PCDHA6: variants seen among roughly 807,000 people sequenced by gnomAD.
PCDHA6 encodes the protein protocadherin alpha-6.
A neutral mutation model predicts 60.3 loss-of-function variants in PCDHA6; 55 were observed. The observed-to-expected ratio is 0.91, with a 90% CI of 0.73 to 1.14. The LOEUF is 1.14. PCDHA6 is among the 50% of genes most tolerant of loss of function. PCDHA6 has a pLI of 0.00. For missense variants in PCDHA6, 1,327 were observed against 1,256.5 expected, an observed-to-expected ratio of 1.06 and a Z score of -0.85; for synonymous variants, 652 against 557.9, an observed-to-expected ratio of 1.17 and a Z score of -2.38.
chr5:140,884,490 G>A (rs2060210547), intron 1 of PCDHA6: 1 of 1,614,064 alleles, frequency 6.2e-7, no homozygotes, highest in Non-Finnish European at 8.5e-7. Flanking sequence ...ACTCTAGTGT[G>A]CTCCAGCGCG....
chr5:140,840,750 A>G (rs1261574631), intron 1 of PCDHA6, among the ~76,000 whole-genome samples: 1 of 152,112 alleles, frequency 6.6e-6, no homozygotes, highest in Non-Finnish European at 1.5e-5. Flanking sequence ...CAATAAGAAC[A>G]CAAGAAGATA....
At chr5:140,840,931 G>T (rs529661807) in intron 1 of PCDHA6, among the ~76,000 whole-genome samples, 1 of 151,938 alleles carries the variant, frequency 6.6e-6, no homozygotes, top group Non-Finnish European at 1.5e-5. Flanking sequence ...TAATTGATAC[G>T]ATATTTGAAA....
At chr5:140,876,062 G>T in intron 1 of PCDHA6, 1 of 1,613,842 alleles carries the variant, frequency 6.2e-7, no homozygotes, top group Non-Finnish European at 8.5e-7. Context: ...TTAGTTCTTC[G>T]GAAGTTATTG....
chr5:140,926,953 C>T, intron 1 of PCDHA6: 1 of 1,596,706 alleles, frequency 6.3e-7, no homozygotes, highest in Non-Finnish European at 8.6e-7. Flanking sequence ...TGCAGCGGGA[C>T]AGCTCGAGTA....
Position 140,932,626 on chromosome 5 carries a change from C to T in PCDHA6, c.2395-46323C>T, listed in dbSNP as rs965543719. 1.2e-4 allele frequency among the ~76,000 whole-genome samples: 18 copies of T among 151,670 alleles called. 1 individual carries two copies. The highest frequency in any genetic ancestry group is 8.9e-5 in the Non-Finnish European group (6 of 67,754). On this transcript the variant is annotated intron_variant, in intron 1 of 3. Coordinates refer to ENST00000529310, the MANE Select transcript of PCDHA6 (RefSeq NM_018909.4). ...TTTGACTTTGAAGCTGATAACCACA[C>T]TAAAAAACTTTAGAATGATGAAACT...
intron 1 of PCDHA6, chr5:140,927,406 G>A (rs782729912): frequency 1.2e-6 from 2 of 1,614,210 alleles, no homozygotes; most frequent in Admixed American, 1.7e-5. Flanking sequence ...CTTTCGCCTG[G>A]ACATGGGATC....
In PCDHA6 at chr5:140,875,833, G is replaced by T. The variant is rs782436615; in HGVS notation, c.2394+45348G>T. The stretch of plus-strand genomic sequence containing the variant: ...GCCGCTGCAGGTTTTCCATGTGGAC[G>T]TGGAGGTGAAGGACATTAACGACAA... On this transcript the variant is annotated intron_variant, in intron 1 of 3. Coordinates refer to ENST00000529310, the MANE Select transcript of PCDHA6 (RefSeq NM_018909.4). 2.3e-5 allele frequency: 37 copies of T among 1,614,100 alleles called. No homozygotes were observed. The Admixed American group carries it at 6.0e-4, about 26-fold the overall frequency.
At chr5:140,883,662 A>G (rs371713279) in intron 1 of PCDHA6, 3 of 1,613,586 alleles carry the variant, frequency 1.9e-6, no homozygotes, top group Non-Finnish European at 2.5e-6. Context: ...GTGTTCGTGA[A>G]GGAAAACAAT....
chr5:140,910,528 T>A (rs2153515102), intron 1 of PCDHA6, among the ~76,000 whole-genome samples: 1 of 152,314 alleles, frequency 6.6e-6, no homozygotes, highest in African/African-American at 2.4e-5. Flanking sequence ...GGTACTCCCC[T>A]CACAAATCTA....
At chr5:141,004,681 G>A (rs1554259668) in intron 3 of PCDHA6, among the ~76,000 whole-genome samples, 1 of 152,176 alleles carries the variant, frequency 6.6e-6, no homozygotes. Flanking sequence ...CTGTGGAGTG[G>A]TGCTGAAACC....
At chr5:140,958,759 A>G (rs1254935099) in intron 1 of PCDHA6, among the ~76,000 whole-genome samples, 2 of 152,112 alleles carry the variant, frequency 1.3e-5, no homozygotes, top group African/African-American at 4.8e-5. Flanking sequence ...ATTTTTACCC[A>G]TTTCTGTTTG....
chr5:140,901,712 GAT>G lies in PCDHA6; in HGVS notation c.2394+71228_2394+71229del, dbSNP rs1187367855. Among the ~76,000 whole-genome samples, 6 of 152,218 alleles carry G rather than the reference GAT, an allele frequency of 3.9e-5. No homozygotes were observed. In the East Asian group the frequency reaches 9.6e-4, roughly 24 times the overall value. ...TTTTGTAGTTCTATATACATTTTCA[GAT>G]TGTCTTTTCTATTTCTGTGAAGAAT... On this transcript the variant is annotated intron_variant, in intron 1 of 3. Coordinates refer to ENST00000529310, the MANE Select transcript of PCDHA6 (RefSeq NM_018909.4).
chr5:140,835,317 G>A lies in PCDHA6; in HGVS notation c.2394+4832G>A. ...AGTGATAGGACATATGGATTTTGAAGAAAGTAGAGCACACAAGATCCCAGT... is the reference window on the plus strand; with the variant it reads ...AGTGATAGGACATATGGATTTTGAAAAAAGTAGAGCACACAAGATCCCAGT... On this transcript the variant is annotated intron_variant, in intron 1 of 3. Coordinates refer to ENST00000529310, the MANE Select transcript of PCDHA6 (RefSeq NM_018909.4). 6 of 1,613,394 alleles carry A rather than the reference G, an allele frequency of 3.7e-6. No individual in the cohort carries two copies. Among genetic ancestry groups the A allele is most frequent in the Non-Finnish European group, 4.2e-6 (5 of 1,179,716 alleles).
intron 1 of PCDHA6, among the ~76,000 whole-genome samples, chr5:140,935,799 A>T (rs1423027036): frequency 1.3e-5 from 2 of 151,978 alleles, no homozygotes; most frequent in African/African-American, 4.8e-5. Flanking sequence ...TATAAACGAG[A>T]TTATTTCATA....
intron 1 of PCDHA6, chr5:140,857,534 C>G: frequency 1.9e-6 from 3 of 1,597,458 alleles, no homozygotes; most frequent in Non-Finnish European, 2.6e-6. Flanking sequence ...TCTGGTGGAG[C>G]GGCGGTTGGG....
chr5:140,972,355 G>A (rs1190163389), intron 1 of PCDHA6, among the ~76,000 whole-genome samples: 3 of 150,946 alleles, frequency 2.0e-5, no homozygotes, highest in Admixed American at 2.0e-4. Context: ...TCACTATGTT[G>A]CACATGCTGT....
At position 140,843,595 on chromosome 5, in the gene PCDHA6, G is replaced by GTT. The variant is rs1423829570; in HGVS notation, c.2394+13111_2394+13112insTT. On this transcript the variant is annotated intron_variant, in intron 1 of 3. Coordinates refer to ENST00000529310, the MANE Select transcript of PCDHA6 (RefSeq NM_018909.4). ...ACTCGCAACAACAGCCGCAGAGGGT[G>GTT]TGCTCTGGTGAGGGGCCACCGAAGA... The GTT allele has an allele frequency of 1.2e-5, 19 of 1,595,984 alleles. 3 individuals carry two copies. The highest frequency in any genetic ancestry group is 1.5e-5 in the Non-Finnish European group (18 of 1,165,530).
At chr5:140,869,218 G>A in intron 1 of PCDHA6, 1 of 1,613,824 alleles carries the variant, frequency 6.2e-7, no homozygotes, top group Non-Finnish European at 8.5e-7. Context: ...CTCGGAGGAG[G>A]CCAAACACGG....
intron 1 of PCDHA6, chr5:140,968,024 A>C: frequency 1.2e-6 from 2 of 1,614,178 alleles, no homozygotes; most frequent in Non-Finnish European, 1.7e-6. Flanking sequence ...AAACTCCTAT[A>C]CACTGGTGGT....
Sources: allele counts gnomAD v4.1 joint callset (sites outside exome capture counted in the v4.1 genomes callset), GRCh38; gene constraint gnomAD v4.1.1; transcripts MANE v1.5; gene names NCBI Gene and HGNC (gene_info 2026-07-23, HGNC 2026-07-21).